Variants in RRM2B observed in about 807,000 individuals in gnomAD.
RRM2B encodes the protein ribonucleoside-diphosphate reductase subunit M2 B.
Under a neutral mutation model 45.9 loss-of-function variants are expected in RRM2B, and 20 were observed. The observed-to-expected ratio is 0.44, with a 90% CI of 0.31 to 0.63. RRM2B has a LOEUF of 0.63. Ranked by LOEUF, RRM2B falls within the 30% of genes least tolerant of loss-of-function variation. The pLI is 0.09. For synonymous variants in RRM2B, 124 were observed against 132.3 expected (o/e 0.94, Z 0.43); for missense variants, 320 against 414.7 (o/e 0.77, Z 1.98).
chr8:102,237,930 C>T (rs1413150606), intron 1 of RRM2B, among the ~76,000 whole-genome samples: 3 of 152,132 alleles, frequency 2.0e-5, no homozygotes, highest in Admixed American at 1.3e-4. Flanking sequence ...TTGTTTCCCC[C>T]AAATCTTCAC....
chr8:102,232,335 TA>T, intron 1 of RRM2B, 31 bp from the exon 2 acceptor site: 1 of 1,602,910 alleles, frequency 6.2e-7, no homozygotes. Context: ...ACACGCCTTT[TA>T]TATAGACATT....
At chr8:102,210,031 G>C (rs900112785) in intron 8 of RRM2B, among the ~76,000 whole-genome samples, 1 of 152,174 alleles carries the variant, frequency 6.6e-6, no homozygotes, top group African/African-American at 2.4e-5. Context: ...GTGACTGACT[G>C]CTAATAGGGA....
intron 2 of RRM2B, among the ~76,000 whole-genome samples, chr8:102,228,480 C>T (rs1000730872): frequency 1.3e-5 from 2 of 152,246 alleles, no homozygotes; most frequent in Non-Finnish European, 2.9e-5. Context: ...CACTGACCCT[C>T]TGCCCTCACT....
intron 2 of RRM2B, among the ~76,000 whole-genome samples, chr8:102,227,990 G>T (rs959400548): frequency 6.6e-6 from 1 of 152,196 alleles, no homozygotes; most frequent in African/African-American, 2.4e-5. Flanking sequence ...CTGGGCAGAA[G>T]AAGATGGTCC....
intron 1 of RRM2B, chr8:102,238,382 C>T: frequency 2.4e-6 from 1 of 425,276 alleles, no homozygotes; most frequent in Non-Finnish European, 4.1e-6. Flanking sequence ...CCCCAGCCAC[C>T]TGTGTCAATT....
rs1011445832 is a variant in RRM2B, at chr8:102,232,089, A to G, written c.204+60T>C. ...AAGTTAAAGTTATTCAATATCCTGT[A>G]AAACAAGAAGGAACACTGCACTATA... On this transcript the variant is annotated intron_variant, in intron 2 of 8. Transcript: ENST00000251810. 4.8e-6 allele frequency: 7 copies of G among 1,466,156 alleles called. No individual in the cohort carries two copies. The African/African-American group carries it at 5.6e-5, about 12-fold the overall frequency. The allele number at this position is 1,466,156 out of a possible 1,614,324, so 90.8% of individuals were successfully genotyped here.
At chr8:102,214,753 C>CA (rs1312094197) in intron 6 of RRM2B, among the ~76,000 whole-genome samples, 88 of 88,908 alleles carry the variant, frequency 9.9e-4, no homozygotes, top group Admixed American at 2.8e-3. Context: ...CCAATCTCTA[C>CA]AAAAAAAAAT....
chr8:102,219,214 A>G (rs1563662644), intron 5 of RRM2B, among the ~76,000 whole-genome samples: 1 of 152,220 alleles, frequency 6.6e-6, no homozygotes, highest in Non-Finnish European at 1.5e-5. Flanking sequence ...CATACTCAAA[A>G]CAAGAGGTGA....
chr8:102,218,651 G>C (rs984056148), intron 6 of RRM2B, among the ~76,000 whole-genome samples, 163 bp downstream of exon 6: 7 of 151,662 alleles, frequency 4.6e-5, no homozygotes, highest in Non-Finnish European at 1.0e-4. Flanking sequence ...CTTGAGCCCA[G>C]GGAAGTCGAG....
In RRM2B at chr8:102,205,665, A is replaced by T. The variant is rs1340989994; in HGVS notation, c.*2468T>A. ...TTTATTATAGCAATGATTTAAATAC[A>T]TGTACTGTAAAAAAGAGAAAACAGT... On this transcript the variant is annotated 3_prime_UTR_variant, in exon 9 of 9. Transcript: ENST00000251810. 1 of 152,148 alleles carries T rather than the reference A, an allele frequency of 6.6e-6. No homozygotes were observed. The highest frequency in any genetic ancestry group is 2.4e-5 in the African/African-American group (1 of 41,456). The allele number at this position is 152,148 out of a possible 1,614,324, so 9.4% of individuals were successfully genotyped here.
intron 4 of RRM2B, 43 bp downstream of exon 4, chr8:102,224,842 C>G (rs1810900633): frequency 5.6e-6 from 9 of 1,593,242 alleles, no homozygotes; most frequent in Non-Finnish European, 7.7e-6. Flanking sequence ...CTGAACATAA[C>G]CAAGCCGTAA....
At position 102,205,523 on chromosome 8, in the gene RRM2B, A is replaced by T. The variant is rs1810529342; in HGVS notation, c.*2610T>A. The T allele has an allele frequency of 1.3e-5, 2 of 152,168 alleles. No individual in the cohort carries two copies. Among genetic ancestry groups the T allele is most frequent in the African/African-American group, 2.4e-5 (1 of 41,464 alleles). 9.4% of individuals were successfully genotyped at this position (152,168 alleles called of 1,614,324 possible). On this transcript the variant is annotated 3_prime_UTR_variant, in exon 9 of 9. Transcript: ENST00000251810. ...ACCCAGTCCTGTCTAAAAGCAATGG[A>T]TCAAACTGTCTTCTCAAGTCCTTCC...
At chr8:102,235,517 C>T (rs1030446323) in intron 1 of RRM2B, among the ~76,000 whole-genome samples, 97 of 152,204 alleles carry the variant, frequency 6.4e-4, no homozygotes, top group African/African-American at 2.3e-3. Context: ...ACACAATATC[C>T]TCACAAAGTC....
intron 2 of RRM2B, 118 bp downstream of exon 2, chr8:102,232,031 C>G: frequency 1.0e-6 from 1 of 977,904 alleles, no homozygotes; most frequent in Non-Finnish European, 1.6e-6. Flanking sequence ...AATTCCAACA[C>G]TTATCTTCTA....
At chr8:102,209,674 G>A (rs1371449335) in intron 8 of RRM2B, among the ~76,000 whole-genome samples, 3 of 152,150 alleles carry the variant, frequency 2.0e-5, no homozygotes, top group African/African-American at 7.2e-5. Context: ...ACAAAAATGT[G>A]TAAATGAACG....
At position 102,205,034 on chromosome 8, in the gene RRM2B, CAA is replaced by C. The variant is rs1420815957; in HGVS notation, c.*3097_*3098del. On this transcript the variant is annotated 3_prime_UTR_variant, in exon 9 of 9. Transcript: ENST00000251810. ...GCACTTAAAGGGAAATGGTGGGAAA[CAA>C]AGAGATTTCAATTCTGTGCCATTCA... The C allele has an allele frequency of 6.6e-6, 1 of 152,132 alleles. No homozygotes were observed. The highest frequency in any genetic ancestry group is 1.9e-4 in the East Asian group (1 of 5,200). 9.4% of individuals were successfully genotyped at this position (152,132 alleles called of 1,614,324 possible). A position where few individuals can be genotyped will look rare whatever the true frequency, so the allele number is the denominator to read the frequency against.
chr8:102,232,424 T>C (rs1811048891), intron 1 of RRM2B, 120 bp from the exon 2 acceptor site: 3 of 976,986 alleles, frequency 3.1e-6, no homozygotes, highest in African/African-American at 1.6e-5. Flanking sequence ...TCTGCCTGGG[T>C]TGAATCCTTA....
chr8:102,222,970 C>A (rs1810860903), intron 5 of RRM2B, among the ~76,000 whole-genome samples: 1 of 152,012 alleles, frequency 6.6e-6, no homozygotes, highest in South Asian at 2.1e-4. Context: ...ATACCCATAA[C>A]CTACCCAAAT....
intron 4 of RRM2B, 47 bp from the exon 5 acceptor site, chr8:102,224,187 T>TC: frequency 2.5e-6 from 1 of 396,732 alleles, no homozygotes. Context: ...CTTGTTTTTC[T>TC]TTTTTTTTTT....
Sources: allele counts gnomAD v4.1 joint callset (sites outside exome capture counted in the v4.1 genomes callset), GRCh38; gene constraint gnomAD v4.1.1; transcripts MANE v1.5; gene names NCBI Gene and HGNC (gene_info 2026-07-23, HGNC 2026-07-21).